The following ZNF277 variants were observed in gnomAD, a reference collection of about 807,000 sequenced individuals.
ZNF277 encodes nuclear receptor-interacting factor 4.
Under a neutral mutation model 60.7 loss-of-function variants are expected in ZNF277, and 55 were observed. That is an observed-to-expected ratio of 0.91 (90% CI 0.73 to 1.13). The LOEUF (loss-of-function observed/expected upper bound fraction) is 1.13. Ranked by LOEUF, ZNF277 falls within the 50% of genes most tolerant of loss-of-function variation. The pLI, the probability that ZNF277 is intolerant of heterozygous loss-of-function variation, is 0.00. For synonymous variants in ZNF277, 178 were observed against 179.3 expected (o/e 0.99, Z 0.06); for missense variants, 510 against 523.0 (o/e 0.98, Z 0.24).
At position 112,318,285 on chromosome 7, in the gene ZNF277, T is replaced by C. The variant is rs1013126197; in HGVS notation, c.557+12T>C. The C allele has an allele frequency of 6.2e-7, 1 of 1,606,220 alleles. No individual in the cohort carries two copies. Among genetic ancestry groups the C allele is most frequent in the Non-Finnish European group, 8.5e-7 (1 of 1,173,062 alleles). The stretch of plus-strand genomic sequence containing the variant: ...TTCCTTGGAAACAGGTTTGCCATTT[T>C]GCATCTTTAAATGTTACTGTTTTTA... On this transcript the variant is annotated intron_variant, in intron 5 of 11. Transcript: ENST00000361822.
chr7:112,249,126 C>T (rs921581682), intron 1 of ZNF277, among the ~76,000 whole-genome samples: 11 of 152,152 alleles, frequency 7.2e-5, no homozygotes, highest in Middle Eastern at 3.2e-3. Flanking sequence ...GTCATCCTAA[C>T]ATTGACAGAC....
rs952206649 is a variant in ZNF277, at chr7:112,281,958, G to A, written c.92-4915G>A. On this transcript the variant is annotated intron_variant, in intron 1 of 11. Coordinates refer to ENST00000361822, the MANE Select transcript of ZNF277 (RefSeq NM_021994.3). ...AGCAGTTCTCCTGCCTCAGTCTCCC[G>A]AGTAGCTGGGATTACAGGCCTGTGC... Among the ~76,000 whole-genome samples the A allele has an allele frequency of 2.6e-5, 4 of 152,150 alleles. No individual in the cohort carries two copies. In the East Asian group the frequency reaches 5.8e-4, roughly 22 times the overall value.
intron 1 of ZNF277, among the ~76,000 whole-genome samples, chr7:112,233,203 C>T (rs1227552159): frequency 6.6e-6 from 1 of 152,186 alleles, no homozygotes; most frequent in Non-Finnish European, 1.5e-5. Flanking sequence ...TTGTATTTTA[C>T]ATTCAGATGC....
chr7:112,304,300 T>C (rs1055817806), intron 4 of ZNF277, among the ~76,000 whole-genome samples: 7 of 152,164 alleles, frequency 4.6e-5, no homozygotes, highest in Admixed American at 4.6e-4. Flanking sequence ...TATTTGAGTA[T>C]ATTGCTAACA....
intron 5 of ZNF277, among the ~76,000 whole-genome samples, chr7:112,319,519 T>C (rs1353337520): frequency 6.6e-6 from 1 of 151,762 alleles, no homozygotes; most frequent in Admixed American, 6.6e-5. Context: ...AAAAATATCA[T>C]TCTCTGCTCA....
At chr7:112,308,042 G>GT (rs1462211722) in intron 4 of ZNF277, among the ~76,000 whole-genome samples, 1 of 151,812 alleles carries the variant, frequency 6.6e-6, no homozygotes, top group Admixed American at 6.6e-5. Flanking sequence ...ATCAATTATT[G>GT]TATCAATAAA....
chr7:112,324,253 TA>T (rs1793050296), intron 5 of ZNF277, among the ~76,000 whole-genome samples: 1 of 152,214 alleles, frequency 6.6e-6, no homozygotes, highest in Non-Finnish European at 1.5e-5. Flanking sequence ...CTGTACTTTA[TA>T]ATAAAGGTTT....
At chr7:112,221,437 C>G (rs1315698713) in intron 1 of ZNF277, among the ~76,000 whole-genome samples, 1 of 152,162 alleles carries the variant, frequency 6.6e-6, no homozygotes, top group African/African-American at 2.4e-5. Context: ...TGGCAGTGGT[C>G]CCCAACCTTC....
intron 1 of ZNF277, among the ~76,000 whole-genome samples, chr7:112,237,366 C>T (rs1438148736): frequency 6.6e-6 from 1 of 151,646 alleles, no homozygotes; most frequent in Non-Finnish European, 1.5e-5. Flanking sequence ...AAAGAAGTAA[C>T]AAGTCAGTAC....
At chr7:112,298,125 A>G (rs563743290) in intron 4 of ZNF277, among the ~76,000 whole-genome samples, 23 of 152,254 alleles carry the variant, frequency 1.5e-4, no homozygotes, top group Non-Finnish European at 2.5e-4. Context: ...AGTACAAGGC[A>G]TAATCCATAT....
rs557458153 is a variant in ZNF277, at chr7:112,206,857, G to A, written c.91+50G>A. 1.1e-5 allele frequency: 17 copies of A among 1,578,760 alleles called. 1 individual carries two copies. In the Admixed American group the frequency reaches 2.4e-4, roughly 22 times the overall value. On this transcript the variant is annotated intron_variant, in intron 1 of 11. Coordinates refer to ENST00000361822, the MANE Select transcript of ZNF277 (RefSeq NM_021994.3). ...GGCTGATGTGTCTTCCTTTCTCTATGACCGGGTGTGCAACGGACCTCTGGT... is the reference window on the plus strand; with the variant it reads ...GGCTGATGTGTCTTCCTTTCTCTATAACCGGGTGTGCAACGGACCTCTGGT...
intron 5 of ZNF277, among the ~76,000 whole-genome samples, chr7:112,318,980 A>G (rs1019220255): frequency 1.3e-5 from 2 of 152,078 alleles, no homozygotes; most frequent in Non-Finnish European, 2.9e-5. Flanking sequence ...GAAACAGCCA[A>G]ATGAAGAGAC....
intron 1 of ZNF277, among the ~76,000 whole-genome samples, chr7:112,224,552 G>A (rs1429246069): frequency 6.6e-6 from 1 of 152,214 alleles, no homozygotes; most frequent in Non-Finnish European, 1.5e-5. Flanking sequence ...GATAAGGGGG[G>A]ATTCCTGCTG....
chr7:112,278,988 TA>T (rs1791881684), intron 1 of ZNF277, among the ~76,000 whole-genome samples: 1 of 152,172 alleles, frequency 6.6e-6, no homozygotes, highest in Non-Finnish European at 1.5e-5. Flanking sequence ...TAGAATCGTG[TA>T]GTTCGTTTTC....
chr7:112,312,939 A>G (rs866844552), intron 4 of ZNF277, among the ~76,000 whole-genome samples: 1 of 152,130 alleles, frequency 6.6e-6, no homozygotes, highest in Non-Finnish European at 1.5e-5. Flanking sequence ...CATATTTAAA[A>G]TATTTTTTTC....
At chr7:112,296,590 T>G (rs1339346648) in intron 4 of ZNF277, among the ~76,000 whole-genome samples, 1 of 152,046 alleles carries the variant, frequency 6.6e-6, no homozygotes, top group Non-Finnish European at 1.5e-5. Context: ...TTAGTGTAAT[T>G]TTAGCTGCCT....
At chr7:112,249,430 G>A (rs765829230) in intron 1 of ZNF277, among the ~76,000 whole-genome samples, 14 of 152,112 alleles carry the variant, frequency 9.2e-5, no homozygotes, top group Non-Finnish European at 1.5e-4. Flanking sequence ...CATGCCTCGG[G>A]GATTGGAAGA....
At position 112,272,966 on chromosome 7, in the gene ZNF277, G is replaced by A. The variant is rs1791708119; in HGVS notation, c.92-13907G>A. Among the ~76,000 whole-genome samples, 4 of 152,154 alleles carry A rather than the reference G, an allele frequency of 2.6e-5. No homozygotes were observed. In the South Asian group the frequency reaches 8.3e-4, roughly 32 times the overall value. ...TAACTGGGGTGAGATGATATTCATT[G>A]TAGTTTTGATTTGCATTTCTCTGAT... On this transcript the variant is annotated intron_variant, in intron 1 of 11. Coordinates refer to ENST00000361822, the MANE Select transcript of ZNF277 (RefSeq NM_021994.3).
chr7:112,300,640 C>G (rs10251712), intron 4 of ZNF277, among the ~76,000 whole-genome samples: 1 of 152,122 alleles, frequency 6.6e-6, no homozygotes, highest in Admixed American at 6.5e-5. Flanking sequence ...TAGCTTTCAT[C>G]CTGGTTCACT....
Sources: gnomAD v4.1 joint callset for allele counts (sites outside exome capture counted in the v4.1 genomes callset) on GRCh38, gnomAD v4.1.1 for gene constraint, MANE v1.5 for transcripts, NCBI Gene and HGNC (gene_info 2026-07-23, HGNC 2026-07-21) for gene names.